SYDE2: variants seen among roughly 807,000 people sequenced by gnomAD.
SYDE2 encodes the protein synapse defective Rho GTPase homolog 2.
A neutral mutation model predicts 91.5 loss-of-function variants in SYDE2; 76 were observed. That is an observed-to-expected ratio of 0.83 (90% CI 0.69 to 1.01). The LOEUF is 1.01. Ranked by LOEUF, SYDE2 falls within the 50% of genes least tolerant of loss-of-function variation. SYDE2 has a pLI of 0.00. For missense variants in SYDE2, 1,364 were observed against 1,367.7 expected (o/e 1.00, Z 0.04); for synonymous variants, 513 against 506.4 (o/e 1.01, Z -0.18).
rs1020195788 is a variant in SYDE2, at chr1:85,157,359, T to C, written c.*1391A>G. On this transcript the variant is annotated 3_prime_UTR_variant, in exon 7 of 7. Transcript: ENST00000341460. ...ATTACTGTGATTCTATAACATTGTA[T>C]ATATACTTAGCCAAAATAAGTTAAT... The C allele has an allele frequency of 6.6e-6, 1 of 152,150 alleles. No homozygotes were observed. Among genetic ancestry groups the C allele is most frequent in the African/African-American group, 2.4e-5 (1 of 41,460 alleles). 9.4% of individuals were successfully genotyped at this position (152,150 alleles called of 1,614,324 possible).
Position 85,182,684 on chromosome 1 carries a change from C to T in SYDE2, c.1958G>A (p.Cys653Tyr). 2 of 1,613,744 alleles carry T rather than the reference C, an allele frequency of 1.2e-6. No homozygotes were observed. Among genetic ancestry groups the T allele is most frequent in the Non-Finnish European group, 1.7e-6 (2 of 1,179,808 alleles). Reference sequence around the variant, plus strand: ...ATCAATGTCTATTTCATTCTTGCTACAACTATTTGAAATTATTTCTTTTCC... The same window carrying T: ...ATCAATGTCTATTTCATTCTTGCTATAACTATTTGAAATTATTTCTTTTCC... ...GKGKEIISNS[C>Y]SKNEIDIDAF... The change falls in exon 3 of 7, where the codon TGT (cysteine) becomes TAT (tyrosine). Residue 653 changes from cysteine (C) to tyrosine (Y), a missense_variant. Coordinates refer to ENST00000341460, the MANE Select transcript of SYDE2 (RefSeq NM_032184.2).
Position 85,182,998 on chromosome 1 carries a change from T to A in SYDE2, c.1644A>T (p.Thr548=). Reference sequence around the variant, plus strand: ...TATCTGGACTGTTTATATAATTCAATGTTCCCTTAACGCTTAGCTTTCGGC... The same window carrying A: ...TATCTGGACTGTTTATATAATTCAAAGTTCCCTTAACGCTTAGCTTTCGGC... ...EFSRKLSVKG[T]LNYINSPDNT... The change falls in exon 3 of 7, where the codon ACA becomes ACT. Residue 548 remains threonine, a synonymous_variant. Transcript: ENST00000341460. 6.2e-7 allele frequency: 1 copy of A among 1,613,100 alleles called. No individual in the cohort carries two copies. Among genetic ancestry groups the A allele is most frequent in the Non-Finnish European group, 8.5e-7 (1 of 1,179,648 alleles).
intron 3 of SYDE2, 123 bp downstream of exon 3, chr1:85,181,975 A>C (rs1421401134): frequency 9.3e-7 from 1 of 1,073,846 alleles, no homozygotes; most frequent in African/African-American, 1.6e-5. Context: ...GAATAAAAAT[A>C]AAGAATAGGA....
intron 1 of SYDE2, among the ~76,000 whole-genome samples, chr1:85,196,299 A>C (rs1455921267): frequency 6.6e-6 from 1 of 151,776 alleles, no homozygotes; most frequent in Non-Finnish European, 1.5e-5. Context: ...ACCAGACAGC[A>C]GCATCTACAC....
rs1168392039 is a variant in SYDE2, at chr1:85,158,898, C to T, written c.3437G>A (p.Cys1146Tyr). The change falls in exon 7 of 7, where the codon TGT becomes TAT. Residue 1146 changes from cysteine to tyrosine, a missense_variant. Physicochemically the swap from Cys to Tyr is radical, Grantham distance 194. Coordinates refer to ENST00000341460, the MANE Select transcript of SYDE2 (RefSeq NM_032184.2). ...CATTGTCAAATATGTCTGAAATGTA[C>T]ACTCTTTGGACATGGGAATTGGCTG... ...IEQPIPMSKE[C>Y]TFQTYLTMQT... The T allele has an allele frequency of 1.3e-6, 1 of 780,190 alleles. No individual in the cohort carries two copies. The highest frequency in any genetic ancestry group is 1.7e-5 in the African/African-American group (1 of 59,096). 48.3% of individuals were successfully genotyped at this position (780,190 alleles called of 1,614,324 possible). A position where few individuals can be genotyped will look rare whatever the true frequency, so the allele number is the denominator to read the frequency against.
intron 1 of SYDE2, chr1:85,194,979 T>C (rs572208635): frequency 4.1e-6 from 1 of 243,264 alleles, no homozygotes; most frequent in East Asian, 1.8e-4. Context: ...GCTAACACGG[T>C]GAAACCCTGT....
At chr1:85,156,486 G>GT, downstream of SYDE2, among the ~76,000 whole-genome samples, 1 of 152,030 alleles carries the variant, frequency 6.6e-6, no homozygotes, top group African/African-American at 2.4e-5. Flanking sequence ...TAAAAAGCAG[G>GT]TATAAAAACT....
chr1:85,190,077 A>G lies in SYDE2; in HGVS notation c.1421T>C (p.Met474Thr), dbSNP rs769281769. Residue 474 changes from methionine (M) to threonine (T), a missense_variant, in exon 2 of 7, where the codon ATG becomes ACG. Transcript: ENST00000341460. ...TTTACCTGCAAAAGGAGATTTCAAC[A>G]TGGGACTGTCCTCCACCATTATACC... is the stretch of plus-strand genomic sequence containing the variant. ...QEGIMVEDSP[M>T]LKSPFAGSGI... 2.5e-6 allele frequency: 4 copies of G among 1,604,350 alleles called. No homozygotes were observed. The highest frequency in any genetic ancestry group is 3.4e-6 in the Non-Finnish European group (4 of 1,173,756).
chr1:85,172,444 A>ATT (rs143586761), intron 4 of SYDE2, among the ~76,000 whole-genome samples: 2 of 150,868 alleles, frequency 1.3e-5, no homozygotes, highest in African/African-American at 4.9e-5. Context: ...AATAATATTG[A>ATT]TTTTTTTTTT....
At chr1:85,173,642 T>C (rs550909305) in intron 4 of SYDE2, among the ~76,000 whole-genome samples, 2 of 152,238 alleles carry the variant, frequency 1.3e-5, no homozygotes, top group Non-Finnish European at 2.9e-5. Flanking sequence ...CGTACTTGCA[T>C]ACCAAACAAC....
At chr1:85,190,920 G>A (rs1280302072) in intron 1 of SYDE2, among the ~76,000 whole-genome samples, 168 bp from the exon 2 acceptor site, 1 of 152,026 alleles carries the variant, frequency 6.6e-6, no homozygotes, top group Non-Finnish European at 1.5e-5. Context: ...ATATAAATAT[G>A]ATTTATATTA....
intron 5 of SYDE2, among the ~76,000 whole-genome samples, chr1:85,165,667 C>A (rs1657240884): frequency 6.7e-6 from 1 of 149,946 alleles, no homozygotes; most frequent in Admixed American, 6.6e-5. Context: ...AAAAAATTAC[C>A]AAAAAAAATA....
At chr1:85,178,898 A>G (rs1657809740) in intron 3 of SYDE2, among the ~76,000 whole-genome samples, 1 of 151,960 alleles carries the variant, frequency 6.6e-6, no homozygotes, top group Non-Finnish European at 1.5e-5. Context: ...AGGTAAAATA[A>G]AACCTCTATT....
intron 3 of SYDE2, chr1:85,181,198 C>T (rs924437986): frequency 1.7e-5 from 2 of 121,120 alleles, no homozygotes; most frequent in Non-Finnish European, 3.2e-5. Flanking sequence ...ATCGCCCAGG[C>T]TAGAATGCAG....
At chr1:85,167,586 G>T (rs1329861031) in intron 5 of SYDE2, among the ~76,000 whole-genome samples, 1 of 152,126 alleles carries the variant, frequency 6.6e-6, no homozygotes, top group East Asian at 1.9e-4. Context: ...AAGTAGCTGG[G>T]ACCCTAGGCA....
intron 3 of SYDE2, among the ~76,000 whole-genome samples, chr1:85,180,941 C>A (rs1054415358): frequency 1.3e-5 from 2 of 151,780 alleles, no homozygotes; most frequent in African/African-American, 4.8e-5. Flanking sequence ...AAGAAAAAAA[C>A]AGAATCTTAA....
rs548885424 is a variant in SYDE2, at chr1:85,178,799, A to T, written c.2545-527T>A. Among the ~76,000 whole-genome samples the T allele has an allele frequency of 2.4e-3, 369 of 152,026 alleles. 2 individuals carry two copies. The highest frequency in any genetic ancestry group is 8.5e-3 in the African/African-American group (353 of 41,536). On this transcript the variant is annotated intron_variant, in intron 3 of 6. Coordinates refer to ENST00000341460, the MANE Select transcript of SYDE2 (RefSeq NM_032184.2). ...TTTAAGAAAAAAGATTCTCAGGAAG[A>T]CCCAGAAGCAAACCTAGGGTGTTTT...
At chr1:85,155,154 A>G (rs1262628533), downstream of SYDE2, among the ~76,000 whole-genome samples, 1 of 152,206 alleles carries the variant, frequency 6.6e-6, no homozygotes, top group Non-Finnish European at 1.5e-5. Context: ...TAAGAAGCAT[A>G]AAATGATCTC....
intron 4 of SYDE2, among the ~76,000 whole-genome samples, chr1:85,172,444 AT>A (rs143586761): frequency 0.013 from 1,929 of 150,954 alleles, 32 homozygotes; most frequent in African/African-American, 0.045. Context: ...AATAATATTG[AT>A]TTTTTTTTTC....
Sources: gnomAD v4.1 joint callset for allele counts (sites outside exome capture counted in the v4.1 genomes callset) on GRCh38, gnomAD v4.1.1 for gene constraint, MANE v1.5 for transcripts, NCBI Gene and HGNC (gene_info 2026-07-23, HGNC 2026-07-21) for gene names.